KCNN2: variants seen among roughly 807,000 people sequenced by gnomAD.
KCNN2 encodes small conductance calcium-activated potassium channel protein 2.
In KCNN2, 24 loss-of-function variants were observed where a neutral mutation model predicts 55.5. That is an observed-to-expected ratio of 0.43 (90% CI 0.31 to 0.61). The LOEUF is 0.61. Ranked by LOEUF, KCNN2 falls within the 20% of genes least tolerant of loss-of-function variation. The pLI is 0.08. For missense variants in KCNN2, 754 were observed against 853.6 expected (o/e 0.88, Z 1.45); for synonymous variants, 431 against 336.1 (o/e 1.28, Z -3.09).
chr5:114,375,996 A>G (rs1757925400), intron 2 of KCNN2, among the ~76,000 whole-genome samples: 1 of 134,586 alleles, frequency 7.4e-6, no homozygotes, highest in Non-Finnish European at 1.6e-5. Context: ...TTCCTTTAGC[A>G]TATCTATTTC....
chr5:114,277,213 G>A (rs1248523731), intron 2 of KCNN2, among the ~76,000 whole-genome samples: 2 of 152,180 alleles, frequency 1.3e-5, no homozygotes, highest in East Asian at 1.9e-4. Flanking sequence ...TCAGCTGTTA[G>A]TCTGATGGGC....
intron 2 of KCNN2, among the ~76,000 whole-genome samples, chr5:114,265,942 A>G (rs909310712): frequency 2.6e-5 from 4 of 152,268 alleles, no homozygotes; most frequent in East Asian, 1.9e-4. Context: ...TGATCTCACC[A>G]TCAATAGCCT....
chr5:114,285,283 CAAAAAAAAAA>C (rs70976334), intron 2 of KCNN2, among the ~76,000 whole-genome samples: 3 of 56,276 alleles, frequency 5.3e-5, no homozygotes, highest in African/African-American at 2.3e-4. Flanking sequence ...ACTCCATCTC[CAAAAAAAAAA>C]AAAAAAAAAA....
At chr5:114,061,558 C>G (rs935574202) in intron 1 of KCNN2, among the ~76,000 whole-genome samples, 1 of 151,918 alleles carries the variant, frequency 6.6e-6, no homozygotes, top group African/African-American at 2.4e-5. Context: ...TACACTGTTC[C>G]CATTCAGGGA....
At position 114,061,191 on chromosome 5, in the gene KCNN2, T is replaced by A. The variant is rs145511883; in HGVS notation, c.-271+4691T>A. On this transcript the variant is annotated intron_variant, in intron 1 of 10. Transcript: ENST00000512097. ...GTCTCTGCTTTCAAGGAAATCACAG[T>A]CTAGTTATTGGCCAGGGGGACAGAC... Among the ~76,000 whole-genome samples, 625 of 152,232 alleles carry A rather than the reference T, an allele frequency of 4.1e-3. 4 individuals carry two copies. Among genetic ancestry groups the A allele is most frequent in the African/African-American group, 0.014 (600 of 41,538 alleles).
At chr5:114,333,328 T>A (rs1422480948) in intron 2 of KCNN2, among the ~76,000 whole-genome samples, 1 of 152,196 alleles carries the variant, frequency 6.6e-6, no homozygotes, top group Non-Finnish European at 1.5e-5. Context: ...TCCTTTTGCT[T>A]GTTTATATCT....
At chr5:114,439,303 C>G (rs555394131) in intron 3 of KCNN2, among the ~76,000 whole-genome samples, 1 of 152,156 alleles carries the variant, frequency 6.6e-6, no homozygotes, top group East Asian at 1.9e-4. Context: ...TTTTTAGGTT[C>G]TTTTTTTAAA....
chr5:114,448,634 C>T (rs1018173260), intron 3 of KCNN2, among the ~76,000 whole-genome samples: 1 of 152,144 alleles, frequency 6.6e-6, no homozygotes, highest in Non-Finnish European at 1.5e-5. Context: ...TCTCTCAGCT[C>T]GCTGGGTTTG....
intron 2 of KCNN2, among the ~76,000 whole-genome samples, chr5:114,233,983 C>A (rs1277871666): frequency 6.6e-6 from 1 of 150,932 alleles, no homozygotes; most frequent in Non-Finnish European, 1.5e-5. Flanking sequence ...AGAATCAACA[C>A]TTCTTGCTGT....
chr5:114,493,013 G>A (rs1466080971), intron 6 of KCNN2, among the ~76,000 whole-genome samples: 1 of 152,052 alleles, frequency 6.6e-6, no homozygotes, highest in Non-Finnish European at 1.5e-5. Flanking sequence ...ATAGGAAGGT[G>A]CTCATTGCTC....
intron 2 of KCNN2, among the ~76,000 whole-genome samples, chr5:114,392,215 AATG>A (rs1758469249): frequency 6.6e-6 from 1 of 152,174 alleles, no homozygotes; most frequent in South Asian, 2.1e-4. Flanking sequence ...TTATTATTAA[AATG>A]ACTTTCTGAA....
intron 1 of KCNN2, among the ~76,000 whole-genome samples, chr5:114,126,450 C>T (rs972659302): frequency 6.6e-6 from 1 of 151,960 alleles, no homozygotes; most frequent in Non-Finnish European, 1.5e-5. Context: ...AGGGGGAAGC[C>T]CCTTATAAAA....
rs181726190 is a variant in KCNN2 at position 114,235,990 on chromosome 5, T to C, written c.-185+14425T>C. On this transcript the variant is annotated intron_variant, in intron 2 of 10. Transcript: ENST00000512097. ...GCTATGCAGCGATCAGTGAGAAGCA[T>C]TTGAAGGCTGCCTACTTTAAACCAT... Among the ~76,000 whole-genome samples the C allele has an allele frequency of 1.8e-4, 27 of 152,336 alleles. No individual in the cohort carries two copies. The East Asian group carries it at 5.0e-3, about 28-fold the overall frequency.
At chr5:114,310,992 T>C (rs1004807717) in intron 2 of KCNN2, among the ~76,000 whole-genome samples, 1 of 152,132 alleles carries the variant, frequency 6.6e-6, no homozygotes, top group African/African-American at 2.4e-5. Context: ...CTCTTGACAG[T>C]TTCCTGCCTC....
intron 2 of KCNN2, among the ~76,000 whole-genome samples, chr5:114,319,658 G>A (rs1239449622): frequency 6.6e-6 from 1 of 152,142 alleles, no homozygotes; most frequent in African/African-American, 2.4e-5. Flanking sequence ...TCTGACTTAA[G>A]TTGCACATCC....
Position 114,363,201 on chromosome 5 carries a change from C to G in KCNN2, c.1062C>G (p.Gly354=), listed in dbSNP as rs781524279. 7 of 1,613,370 alleles carry G rather than the reference C, an allele frequency of 4.3e-6. No individual in the cohort carries two copies. Among genetic ancestry groups the G allele is most frequent in the Admixed American group, 1.7e-5 (1 of 60,028 alleles). The change falls in exon 1 of 8, where the codon GGC becomes GGG. Residue 354 remains glycine, a synonymous_variant. Coordinates refer to ENST00000673685, the MANE Select transcript of KCNN2 (RefSeq NM_021614.4). ...TCAGCGACTACGCGCTCATCTTCGG[C>G]ATGTTCGGCATCGTGGTCATGGTCA... ...KRLSDYALIF[G]MFGIVVMVIE... is the part of the protein sequence containing the mutation.
chr5:114,092,627 C>T (rs1394063218), intron 1 of KCNN2, among the ~76,000 whole-genome samples: 1 of 152,234 alleles, frequency 6.6e-6, no homozygotes, highest in Non-Finnish European at 1.5e-5. Context: ...CTGCATCACA[C>T]TTCTGCCTGG....
chr5:114,106,485 T>G (rs188419616), intron 1 of KCNN2, among the ~76,000 whole-genome samples: 19 of 152,016 alleles, frequency 1.2e-4, no homozygotes, highest in African/African-American at 4.6e-4. Flanking sequence ...ATCACAACAG[T>G]ATATAAGAGT....
At chr5:114,081,741 G>A (rs1171770336) in intron 1 of KCNN2, among the ~76,000 whole-genome samples, 1 of 151,992 alleles carries the variant, frequency 6.6e-6, no homozygotes, top group Admixed American at 6.6e-5. Context: ...CAAAAGGCAC[G>A]GGCAACAAAA....
Sources: allele counts gnomAD v4.1 joint callset (sites outside exome capture counted in the v4.1 genomes callset), GRCh38; gene constraint gnomAD v4.1.1; transcripts MANE v1.5; gene names NCBI Gene and HGNC (gene_info 2026-07-23, HGNC 2026-07-21).